CACNA1A: variants seen among roughly 807,000 people sequenced by gnomAD.
CACNA1A encodes voltage-dependent P/Q-type calcium channel subunit alpha-1A.
A neutral mutation model predicts 262.4 loss-of-function variants in CACNA1A; 57 were observed. The observed-to-expected ratio is 0.22, with a 90% CI of 0.18 to 0.27. CACNA1A has a LOEUF of 0.27. Ranked by LOEUF, CACNA1A falls within the 10% of genes least tolerant of loss-of-function variation. CACNA1A has a pLI of 1.00. For missense variants in CACNA1A, 2,526 were observed against 3,562.8 expected (o/e 0.71, Z 7.41); for synonymous variants, 1,431 against 1,419.3 (o/e 1.01, Z -0.18).
intron 1 of CACNA1A, among the ~76,000 whole-genome samples, chr19:13,476,378 G>A (rs1978541250): frequency 6.6e-6 from 1 of 152,140 alleles, no homozygotes; most frequent in Admixed American, 6.5e-5. Context: ...GATTCTGGAA[G>A]GACTCACCAT....
rs1451713531 is a variant in CACNA1A, at chr19:13,212,156, T to C, written c.6250A>G (p.Met2084Val). The C allele has an allele frequency of 1.9e-6, 3 of 1,613,796 alleles. No individual in the cohort carries two copies. Among genetic ancestry groups the C allele is most frequent in the South Asian group, 2.2e-5 (2 of 91,074 alleles). Reference sequence around the variant, plus strand: ...GAGGCAGCCCGGCCCTGGCCTTCCATGGGGAGGTAGTGCTCGCTGTCGGAG... The same window carrying C: ...GAGGCAGCCCGGCCCTGGCCTTCCACGGGGAGGTAGTGCTCGCTGTCGGAG... Reference protein sequence around the residue: ...GYSDSEHYLPMEGQGRAASMP... With the variant: ...GYSDSEHYLPVEGQGRAASMP... Residue 2084 changes from methionine (M) to valine (V), a missense_variant, in exon 43 of 47, where the codon ATG (methionine) becomes GTG (valine). Transcript: ENST00000360228. The surrounding 1 kb of genome is among the most constrained non-coding windows in gnomAD (Gnocchi z 5.6).
In CACNA1A at chr19:13,259,441, G is replaced by C. The variant is rs575527507; in HGVS notation, c.4388+123C>G. 9 of 790,868 alleles carry C rather than the reference G, an allele frequency of 1.1e-5. No individual in the cohort carries two copies. The African/African-American group carries it at 1.6e-4, about 14-fold the overall frequency. 49.0% of individuals were successfully genotyped at this position (790,868 alleles called of 1,614,324 possible). On this transcript the variant is annotated intron_variant, in intron 27 of 46. Transcript: ENST00000360228. ...TCTGCCTTGGCCTCCTAAAGTGTTG[G>C]GATTACAGGCGTGAGCCACCATGCC... is the stretch of plus-strand genomic sequence containing the variant.
chr19:13,208,110 A>AGAC, intron 46 of CACNA1A, 57 bp from the exon 47 acceptor site: 6 of 1,051,070 alleles, frequency 5.7e-6, no homozygotes, highest in African/African-American at 1.7e-5. Flanking sequence ...AAATCAAAGG[A>AGAC]GACACGGGAT....
intron 3 of CACNA1A, among the ~76,000 whole-genome samples, chr19:13,395,732 A>T (rs773919071): frequency 6.6e-6 from 1 of 152,076 alleles, no homozygotes; most frequent in Non-Finnish European, 1.5e-5. Flanking sequence ...GCTCTGAGAG[A>T]CCAAGAAGAA....
At chr19:13,473,263 AAAAG>A (rs1978291307) in intron 1 of CACNA1A, among the ~76,000 whole-genome samples, 1 of 151,886 alleles carries the variant, frequency 6.6e-6, no homozygotes, top group African/African-American at 2.4e-5. Context: ...AAAAAAAAAA[AAAAG>A]AGAGAGAGAG....
At chr19:13,449,266 C>G (rs979484118) in intron 3 of CACNA1A, among the ~76,000 whole-genome samples, 1 of 151,612 alleles carries the variant, frequency 6.6e-6, no homozygotes, top group Non-Finnish European at 1.5e-5. Context: ...TCACACCTGG[C>G]CTTTATTAAA....
intron 38 of CACNA1A, among the ~76,000 whole-genome samples, chr19:13,218,536 G>A (rs952044130): frequency 3.3e-5 from 5 of 152,088 alleles, no homozygotes; most frequent in Non-Finnish European, 7.4e-5. Context: ...GTGTCTCCTG[G>A]ACCCTTCCCC....
At position 13,376,807 on chromosome 19, in the gene CACNA1A, T is replaced by TATATCAC. The variant is rs2059420687; in HGVS notation, c.540-5029_540-5028insGTGATAT. 3.5e-5 allele frequency among the ~76,000 whole-genome samples: 5 copies of TATATCAC among 144,204 alleles called. 1 individual carries two copies. The highest frequency in any genetic ancestry group is 1.3e-4 in the African/African-American group (5 of 37,708). 94.6% of individuals were successfully genotyped at this position (144,204 alleles called of 152,430 possible). A position where few individuals can be genotyped will look rare whatever the true frequency, so the allele number is the denominator to read the frequency against. On this transcript the variant is annotated intron_variant, in intron 3 of 46. Coordinates refer to ENST00000360228, the MANE Select transcript of CACNA1A (RefSeq NM_001127222.2). ...ATATGTGACATATATACACATAATATATGTTATGTGTGATATATAACACAT... is the reference window on the plus strand; with the variant it reads ...ATATGTGACATATATACACATAATATATATCACATGTTATGTGTGATATATAACACAT...
chr19:13,311,836 CAAAAACAAAAAAT>C (rs202015238), intron 12 of CACNA1A, among the ~76,000 whole-genome samples: 4 of 149,108 alleles, frequency 2.7e-5, no homozygotes, highest in African/African-American at 7.5e-5. Flanking sequence ...GACTCCATCT[CAAAAACAAAAAAT>C]AAAAACAAAA....
intron 6 of CACNA1A, among the ~76,000 whole-genome samples, chr19:13,348,450 A>C (rs1004237759): frequency 2.0e-5 from 3 of 151,988 alleles, no homozygotes; most frequent in South Asian, 4.1e-4. Flanking sequence ...TGCCTGTAAT[A>C]CCAGCACTTT....
rs1245754460 is a variant in CACNA1A, at chr19:13,235,279, T to TG, written c.5068-6dup. ...CAGACAGACATAAGGCAGGGCCTGGTGGGAAAAAAGGCAATGAAGAAGAGT... is the reference window on the plus strand; with the variant it reads ...CAGACAGACATAAGGCAGGGCCTGGTGGGGAAAAAAGGCAATGAAGAAGAGT... On this transcript the variant is annotated splice_region_variant and splice_polypyrimidine_tract_variant and intron_variant, in intron 32 of 46. Transcript: ENST00000360228. The TG allele has an allele frequency of 7.6e-6, 12 of 1,584,708 alleles. No homozygotes were observed. The highest frequency in any genetic ancestry group is 1.0e-5 in the Non-Finnish European group (12 of 1,165,864).
intron 3 of CACNA1A, among the ~76,000 whole-genome samples, chr19:13,391,107 G>A (rs1384584086): frequency 6.6e-6 from 1 of 152,032 alleles, no homozygotes. Flanking sequence ...AGATGGTCTC[G>A]ATCTCCTGAC....
chr19:13,504,985 A>C (rs1488616915), intron 1 of CACNA1A, among the ~76,000 whole-genome samples: 1 of 152,016 alleles, frequency 6.6e-6, no homozygotes, highest in Non-Finnish European at 1.5e-5. Context: ...AAAATTTAAA[A>C]GGCATTTACC....
In CACNA1A at chr19:13,212,882, A is replaced by G. The variant is rs117341675; in HGVS notation, c.5941-142T>C. 9.9e-4 allele frequency: 461 copies of G among 466,694 alleles called. 4 individuals carry two copies. The East Asian group carries it at 0.014, about 14-fold the overall frequency. 28.9% of individuals were successfully genotyped at this position (466,694 alleles called of 1,614,324 possible). ...GGTCTCATCCATCTAGACCCTTCCA[A>G]TTCCACGCAGAACTGGACCACTTCT... On this transcript the variant is annotated intron_variant, in intron 40 of 46. Transcript: ENST00000360228. This position sits in a 1 kb window ranked among gnomAD's most constrained non-coding sequence, Gnocchi z 5.6.
intron 1 of CACNA1A, among the ~76,000 whole-genome samples, chr19:13,497,541 T>A (rs866254422): frequency 5.0e-4 from 5 of 9,960 alleles, no homozygotes; most frequent in Admixed American, 1.8e-3. Context: ...TATATATATA[T>A]ATATATATAT....
At chr19:13,231,611 C>T in intron 35 of CACNA1A, 99 bp downstream of exon 35, 1 of 1,283,492 alleles carries the variant, frequency 7.8e-7, no homozygotes. Context: ...TTGGAGGGAA[C>T]AAGCCTTCGA....
chr19:13,437,921 C>T (rs2060642421), intron 3 of CACNA1A, among the ~76,000 whole-genome samples: 1 of 152,026 alleles, frequency 6.6e-6, no homozygotes, highest in African/African-American at 2.4e-5. Flanking sequence ...CGTGTCTGTG[C>T]ATGTCAGCAT....
At position 13,317,134 on chromosome 19, in the gene CACNA1A, G is replaced by T. The variant is rs751539123; in HGVS notation, c.1533C>A (p.Pro511=). Residue 511 remains proline, a synonymous_variant, in exon 11 of 47, where the codon CCC becomes CCA. Coordinates refer to ENST00000360228, the MANE Select transcript of CACNA1A (RefSeq NM_001127222.2). ...LCVAIVHYNQ[P]EWLSDFLYYA... is the part of the protein sequence containing the mutation. ...CACAAAGGAAGTCGGAGAGCCACTC[G>T]GGCTGGTTGTAGTGAACAATAGCAA... 4.4e-6 allele frequency: 7 copies of T among 1,607,086 alleles called. No individual in the cohort carries two copies. The highest frequency in any genetic ancestry group is 5.1e-6 in the Non-Finnish European group (6 of 1,174,238).
chr19:13,287,172 T>C (rs2057421912), intron 19 of CACNA1A, among the ~76,000 whole-genome samples: 1 of 152,050 alleles, frequency 6.6e-6, no homozygotes, highest in East Asian at 1.9e-4. Context: ...GGCAACATAG[T>C]GAGACCCTAT....
Sources: gnomAD v4.1 joint callset for allele counts (sites outside exome capture counted in the v4.1 genomes callset) on GRCh38, gnomAD v4.1.1 for gene constraint, Gnocchi (gnomAD v3.1) non-coding constraint, MANE v1.5 for transcripts, NCBI Gene and HGNC (gene_info 2026-07-23, HGNC 2026-07-21) for gene names.